STRN3: variants seen among roughly 807,000 people sequenced by gnomAD.
The protein encoded by STRN3 is striatin-3.
A neutral mutation model predicts 95.6 loss-of-function variants in STRN3; 29 were observed. The ratio of observed to expected loss-of-function variants is 0.30; its 90% confidence interval spans 0.23 to 0.41. The LOEUF (loss-of-function observed/expected upper bound fraction) is 0.41. Ranked by LOEUF, STRN3 falls within the 10% of genes least tolerant of loss-of-function variation. The pLI is 1.00. For missense variants in STRN3, 890 were observed against 972.1 expected, an observed-to-expected ratio of 0.92 and a Z score of 1.12; for synonymous variants, 331 against 357.6, an observed-to-expected ratio of 0.93 and a Z score of 0.84.
chr14:31,012,022 C>CAGTGAGCCGAGAT (rs1481811456), intron 1 of STRN3, among the ~76,000 whole-genome samples: 1 of 152,184 alleles, frequency 6.6e-6, no homozygotes, highest in Non-Finnish European at 1.5e-5. Flanking sequence ...CCGGAGGTTG[C>CAGTGAGCCGAGAT]AGTGAGCCGA....
At chr14:30,912,792 T>C (rs533309315) in intron 10 of STRN3, among the ~76,000 whole-genome samples, 6 of 152,206 alleles carry the variant, frequency 3.9e-5, no homozygotes, top group Non-Finnish European at 7.4e-5. Context: ...TAGTCACTTA[T>C]ATACTTAAAA....
At chr14:31,005,403 C>T (rs1304802650) in intron 1 of STRN3, among the ~76,000 whole-genome samples, 1 of 152,198 alleles carries the variant, frequency 6.6e-6, no homozygotes, top group African/African-American at 2.4e-5. Context: ...GTATTCATCT[C>T]ACAATCAGTA....
chr14:31,025,551 G>A (rs1349518615), intron 1 of STRN3: 10 of 326,028 alleles, frequency 3.1e-5, no homozygotes, highest in Non-Finnish European at 5.8e-5. Flanking sequence ...ACTCAGTGTT[G>A]AGAGGCCCCA....
At position 30,935,307 on chromosome 14, in the gene STRN3, G is replaced by A. The variant is rs768456396; in HGVS notation, c.847-3C>T. ...GCAGCTAAACCTTCATTACCTATCTGTAAATAGAATATAAACCAAGAATTA... is the reference window on the plus strand; with the variant it reads ...GCAGCTAAACCTTCATTACCTATCTATAAATAGAATATAAACCAAGAATTA... On this transcript the variant is annotated splice_region_variant and splice_polypyrimidine_tract_variant and intron_variant, in intron 6 of 17. Coordinates refer to ENST00000357479, the MANE Select transcript of STRN3 (RefSeq NM_001083893.2). The A allele has an allele frequency of 1.2e-6, 2 of 1,612,358 alleles. No homozygotes were observed. The highest frequency in any genetic ancestry group is 2.7e-5 in the African/African-American group (2 of 74,932).
chr14:30,895,177 A>C lies in STRN3; in HGVS notation c.*234T>G, dbSNP rs966415356. ...ACAGATATACGCTCAGTTCACATCC[A>C]GTACAGGCCACAAATACTGGAGTCC... On this transcript the variant is annotated 3_prime_UTR_variant, in exon 18 of 18. Transcript: ENST00000357479. 2.0e-6 allele frequency: 1 copy of C among 494,368 alleles called. No homozygotes were observed. The highest frequency in any genetic ancestry group is 1.9e-5 in the African/African-American group (1 of 51,996). 30.6% of individuals were successfully genotyped at this position (494,368 alleles called of 1,614,324 possible). A position where few individuals can be genotyped will look rare whatever the true frequency, so the allele number is the denominator to read the frequency against.
rs1191963792 is a variant in STRN3 at position 30,929,954 on chromosome 14, C to CAAAAAAAAAAAAAAA, written c.989-658_989-644dup. ...TCCATTGGTCTACAACTAAGATTAG[C>CAAAAAAAAAAAAAAA]AAAAAAAAAAAAAAAAAAAAAAAAA... On this transcript the variant is annotated intron_variant, in intron 7 of 17. Coordinates refer to ENST00000357479, the MANE Select transcript of STRN3 (RefSeq NM_001083893.2). 9.3e-4 allele frequency among the ~76,000 whole-genome samples: 37 copies of CAAAAAAAAAAAAAAA among 39,994 alleles called. 2 individuals carry two copies. The highest frequency in any genetic ancestry group is 1.2e-3 in the African/African-American group (10 of 8,058). 26.2% of individuals were successfully genotyped at this position (39,994 alleles called of 152,430 possible).
At chr14:30,932,564 G>A (rs957867836) in intron 7 of STRN3, among the ~76,000 whole-genome samples, 5 of 151,972 alleles carry the variant, frequency 3.3e-5, no homozygotes, top group Admixed American at 1.3e-4. Context: ...TTTCCGTCTC[G>A]TCTGGAAGTA....
rs190042204 is a variant in STRN3 at position 30,923,533 on chromosome 14, C to T, written c.1100-4427G>A. On this transcript the variant is annotated intron_variant, in intron 8 of 17. Coordinates refer to ENST00000357479, the MANE Select transcript of STRN3 (RefSeq NM_001083893.2). Reference sequence around the variant, plus strand: ...GAAAAGACAGAAAAGTTAAGATAAACGAGAATAATTAGGAAAATTAAGATA... The same window carrying T: ...GAAAAGACAGAAAAGTTAAGATAAATGAGAATAATTAGGAAAATTAAGATA... Among the ~76,000 whole-genome samples the T allele has an allele frequency of 1.2e-4, 18 of 151,988 alleles. No individual in the cohort carries two copies. In the East Asian group the frequency reaches 2.5e-3, roughly 21 times the overall value.
At chr14:30,972,550 G>A (rs1309965920) in intron 1 of STRN3, among the ~76,000 whole-genome samples, 1 of 152,000 alleles carries the variant, frequency 6.6e-6, no homozygotes, top group Non-Finnish European at 1.5e-5. Context: ...TTTGCGGCAC[G>A]GAAACTTTAT....
At chr14:31,023,175 A>T (rs1168990713) in intron 1 of STRN3, among the ~76,000 whole-genome samples, 1 of 152,234 alleles carries the variant, frequency 6.6e-6, no homozygotes, top group Non-Finnish European at 1.5e-5. Context: ...ACTCTAAAAA[A>T]TATGCAGGCC....
At chr14:30,933,971 A>T (rs376256491) in intron 7 of STRN3, among the ~76,000 whole-genome samples, 6 of 152,216 alleles carry the variant, frequency 3.9e-5, no homozygotes, top group East Asian at 3.9e-4. Context: ...GTTGTTTTTT[A>T]AAAAAAATCT....
chr14:30,913,932 T>A (rs1222392360), intron 9 of STRN3, among the ~76,000 whole-genome samples: 2 of 151,904 alleles, frequency 1.3e-5, no homozygotes. Context: ...AAATCTCTTA[T>A]CACTTCAGTA....
intron 1 of STRN3, among the ~76,000 whole-genome samples, chr14:30,994,612 A>G (rs1882113824): frequency 6.6e-6 from 1 of 152,212 alleles, no homozygotes; most frequent in Admixed American, 6.5e-5. Flanking sequence ...TAAACTAAAA[A>G]CTAAATATAA....
rs34255465 is a variant in STRN3 at position 30,894,893 on chromosome 14, CTTTT to C, written c.*514_*517del. 26 of 741,464 alleles carry C rather than the reference CTTTT, an allele frequency of 3.5e-5. No individual in the cohort carries two copies. Among genetic ancestry groups the C allele is most frequent in the South Asian group, 1.7e-4 (8 of 47,056 alleles). 45.9% of individuals were successfully genotyped at this position (741,464 alleles called of 1,614,324 possible). On this transcript the variant is annotated 3_prime_UTR_variant, in exon 18 of 18. Coordinates refer to ENST00000357479, the MANE Select transcript of STRN3 (RefSeq NM_001083893.2). ...ATATTTTAAGTTAAATTTTCTTTTT[CTTTT>C]TTTTTTTTTTTAAAGCAAAATAAGT...
chr14:30,901,300 A>G (rs1896307977), intron 16 of STRN3, among the ~76,000 whole-genome samples: 1 of 151,474 alleles, frequency 6.6e-6, no homozygotes, highest in Non-Finnish European at 1.5e-5. Context: ...AAATTTAAAT[A>G]TTTTTTTTAA....
chr14:30,990,410 C>T lies in STRN3; in HGVS notation c.283-34168G>A, dbSNP rs563993018. On this transcript the variant is annotated intron_variant, in intron 1 of 17. Transcript: ENST00000357479. ...GTCTCGATCTCCTGATCTCATGATC[C>T]GCCCGCCTCAGACTCCCAAAGTGCT... Among the ~76,000 whole-genome samples the T allele has an allele frequency of 3.1e-3, 477 of 152,028 alleles. 3 individuals are homozygous for T. The highest frequency in any genetic ancestry group is 0.011 in the African/African-American group (452 of 41,436).
At chr14:30,931,069 G>C (rs747258604) in intron 7 of STRN3, among the ~76,000 whole-genome samples, 1 of 152,070 alleles carries the variant, frequency 6.6e-6, no homozygotes, top group African/African-American at 2.4e-5. Flanking sequence ...AGTTGACAAA[G>C]AAAGTGGAGT....
At chr14:31,006,102 G>A (rs1247498803) in intron 1 of STRN3, among the ~76,000 whole-genome samples, 1 of 132,454 alleles carries the variant, frequency 7.5e-6, no homozygotes, top group African/African-American at 2.8e-5. Context: ...CTAGGTGACA[G>A]AGCGAGACTC....
chr14:30,950,986 ACTC>A (rs753344502), intron 3 of STRN3, 42 bp from the exon 4 acceptor site: 1 of 1,542,582 alleles, frequency 6.5e-7, no homozygotes, highest in African/African-American at 1.4e-5. Flanking sequence ...CTTTATTTCG[ACTC>A]CTGAAAATAT....
Sources: gnomAD v4.1 joint callset for allele counts (sites outside exome capture counted in the v4.1 genomes callset) on GRCh38, gnomAD v4.1.1 for gene constraint, MANE v1.5 for transcripts, NCBI Gene and HGNC (gene_info 2026-07-23, HGNC 2026-07-21) for gene names.